Variants in TSC22D1 observed in about 807,000 individuals in gnomAD.
TSC22D1 encodes TSC22 domain family member 1, also known as TSC22 domain family protein 1.
In TSC22D1, 9 loss-of-function variants were observed where a neutral mutation model predicts 74.2. That is an observed-to-expected ratio of 0.12 (90% confidence interval 0.07 to 0.21). TSC22D1 has a LOEUF of 0.21. TSC22D1 is among the 10% of genes least tolerant of loss of function. TSC22D1 has a pLI of 1.00. For synonymous variants in TSC22D1, 586 were observed against 492.5 expected (o/e 1.19, Z -2.51); for missense variants, 1,427 against 1,304.7 (o/e 1.09, Z -1.44).
intron 1 of TSC22D1, among the ~76,000 whole-genome samples, chr13:44,506,027 A>G (rs1173098513): frequency 6.6e-6 from 1 of 152,210 alleles, no homozygotes. Context: ...GTGGGGAATA[A>G]TAAGAGGTGA....
chr13:44,436,147 T>G (rs1555781), intron 1 of TSC22D1, 52 bp from the exon 2 acceptor site: 1,564,696 of 1,576,160 alleles, frequency 0.99, 776,900 homozygotes, highest in Non-Finnish European at 1. Context: ...TATCTTAAGC[T>G]TCCAAGATAA....
intron 1 of TSC22D1, among the ~76,000 whole-genome samples, chr13:44,497,534 TTAAA>T (rs983907607): frequency 5.9e-5 from 9 of 152,158 alleles, no homozygotes; most frequent in Admixed American, 1.3e-4. Flanking sequence ...TGTTTATAAA[TTAAA>T]TGTCACCTCA....
In TSC22D1 at chr13:44,574,225, GGAGTTT is replaced by G. The variant is rs1189998375; in HGVS notation, c.1844_1849del (p.Gln615_Thr616del). ...TTGGGGTGGTGGTGCCCCTGGAAGG[GGAGTTT>G]GCACTGGAGGAGCCGCCTGAGAATA... is the stretch of plus-strand genomic sequence containing the variant. On this transcript the variant is annotated inframe_deletion, in exon 1 of 3. Coordinates refer to ENST00000458659, the MANE Select transcript of TSC22D1 (RefSeq NM_183422.4). The G allele has an allele frequency of 1.2e-6, 2 of 1,614,108 alleles. No individual in the cohort carries two copies. The highest frequency in any genetic ancestry group is 1.7e-6 in the Non-Finnish European group (2 of 1,180,054).
rs1237128657 is a variant in TSC22D1 at position 44,573,490 on chromosome 13, G to A, written c.2585C>T (p.Ala862Val). ...TTGAACCAAATTACCATTTTGGGTAGCAGGGGTTTGTGCTATATTTTGTGG... is the reference window on the plus strand; with the variant it reads ...TTGAACCAAATTACCATTTTGGGTAACAGGGGTTTGTGCTATATTTTGTGG... The part of the protein sequence containing the change: ...VPPQNIAQTP[A>V]TQNGNLVQSV... Residue 862 changes from alanine (A) to valine (V), a missense_variant, in exon 1 of 3, where the codon GCT (alanine) becomes GTT (valine). This residue lies in a region of TSC22D1 where 1,343 missense variants were observed against 1,191.5 expected (regional missense o/e 1.13). Transcript: ENST00000458659. 1 of 1,614,260 alleles carries A rather than the reference G, an allele frequency of 6.2e-7. No homozygotes were observed. The highest frequency in any genetic ancestry group is 1.7e-5 in the Admixed American group (1 of 60,034).
chr13:44,476,499 T>C (rs1418112824), intron 1 of TSC22D1, among the ~76,000 whole-genome samples: 1 of 152,088 alleles, frequency 6.6e-6, no homozygotes, highest in African/African-American at 2.4e-5. Context: ...AAGAAAGTTA[T>C]CAAGAGTGCC....
intron 1 of TSC22D1, among the ~76,000 whole-genome samples, chr13:44,498,608 C>CT (rs949786907): frequency 6.6e-6 from 1 of 152,148 alleles, no homozygotes; most frequent in African/African-American, 2.4e-5. Context: ...GGGGCCATGA[C>CT]TTTATCATAC....
chr13:44,515,594 T>C (rs1879942696), intron 1 of TSC22D1, among the ~76,000 whole-genome samples: 1 of 152,112 alleles, frequency 6.6e-6, no homozygotes, highest in African/African-American at 2.4e-5. Context: ...TGTGCCACCA[T>C]ACCCGGCTAA....
chr13:44,479,250 G>T (rs989671626), intron 1 of TSC22D1, among the ~76,000 whole-genome samples: 7 of 151,782 alleles, frequency 4.6e-5, no homozygotes, highest in African/African-American at 1.7e-4. Flanking sequence ...CAACCCACGG[G>T]CATGGCCCAG....
intron 1 of TSC22D1, among the ~76,000 whole-genome samples, chr13:44,517,204 A>T (rs1268023419): frequency 6.6e-6 from 1 of 152,126 alleles, no homozygotes; most frequent in African/African-American, 2.4e-5. Flanking sequence ...AAACCTCTCT[A>T]TTCATCCTGT....
chr13:44,552,563 C>T (rs1388919989), intron 1 of TSC22D1, among the ~76,000 whole-genome samples: 2 of 152,204 alleles, frequency 1.3e-5, no homozygotes, highest in Non-Finnish European at 2.9e-5. Context: ...ATTAAAAGAG[C>T]CTGCAAATAT....
At chr13:44,438,386 G>GCCATCAGAT (rs1874913749) in intron 1 of TSC22D1, among the ~76,000 whole-genome samples, 1 of 152,128 alleles carries the variant, frequency 6.6e-6, no homozygotes, top group African/African-American at 2.4e-5. Context: ...TTCTAAAATT[G>GCCATCAGAT]CCATCAGATC....
intron 1 of TSC22D1, among the ~76,000 whole-genome samples, chr13:44,553,949 C>G (rs1219605726): frequency 6.6e-6 from 1 of 152,072 alleles, no homozygotes; most frequent in Non-Finnish European, 1.5e-5. Flanking sequence ...CTTATGGACC[C>G]CAGGTGAGAA....
chr13:44,482,677 G>A (rs866427768), intron 1 of TSC22D1, among the ~76,000 whole-genome samples: 7 of 152,126 alleles, frequency 4.6e-5, no homozygotes, highest in South Asian at 2.1e-4. Context: ...TAAATGATAT[G>A]CAGAAACAAA....
Position 44,433,930 on chromosome 13 carries a change from G to A in TSC22D1, c.*696C>T. ...AATTTCAATCTGTACAACCTAAATA[G>A]TAGTTACAGTCCTCTATTGTACAAA... On this transcript the variant is annotated 3_prime_UTR_variant, in exon 3 of 3. Transcript: ENST00000458659. 6.8e-7 allele frequency: 1 copy of A among 1,477,746 alleles called. No homozygotes were observed. Among genetic ancestry groups the A allele is most frequent in the Non-Finnish European group, 9.0e-7 (1 of 1,110,044 alleles). 91.5% of individuals were successfully genotyped at this position (1,477,746 alleles called of 1,614,324 possible). A position where few individuals can be genotyped will look rare whatever the true frequency, so the allele number is the denominator to read the frequency against.
At chr13:44,491,176 AAACT>A (rs1878695351) in intron 1 of TSC22D1, among the ~76,000 whole-genome samples, 1 of 151,472 alleles carries the variant, frequency 6.6e-6, no homozygotes, top group East Asian at 2.0e-4. Flanking sequence ...CAAAAAAACA[AAACT>A]AACAAAGGAC....
chr13:44,551,343 C>T (rs1882235942), intron 1 of TSC22D1, among the ~76,000 whole-genome samples: 2 of 81,136 alleles, frequency 2.5e-5, no homozygotes, highest in South Asian at 4.1e-4. Flanking sequence ...GTGTGTGTGA[C>T]CCTGTCTCAA....
intron 1 of TSC22D1, among the ~76,000 whole-genome samples, chr13:44,466,762 C>T (rs4941505): frequency 0.2 from 30,452 of 150,394 alleles, 3,633 homozygotes; most frequent in East Asian, 0.3. Context: ...AGAATGAGAC[C>T]GTGTCTCAAA....
At position 44,573,941 on chromosome 13, in the gene TSC22D1, G is replaced by A. The variant is rs754705832; in HGVS notation, c.2134C>T (p.Pro712Ser). 1 of 1,614,172 alleles carries A rather than the reference G, an allele frequency of 6.2e-7. No homozygotes were observed. The highest frequency in any genetic ancestry group is 1.1e-5 in the South Asian group (1 of 91,088). Residue 712 changes from proline to serine, a missense_variant, in exon 1 of 3, where the codon CCT becomes TCT. Around this residue, in one of 3 missense-constraint regions of TSC22D1, gnomAD observed 1,343 missense variants for 1,191.5 expected, o/e 1.13. Transcript: ENST00000458659. ...PAQPAGASVQPVGQAPAAVSA... is the reference protein window; with the variant it reads ...PAQPAGASVQSVGQAPAAVSA... ...ACTGCTGCCGGAGCCTGGCCAACAG[G>A]CTGGACAGATGCCCCTGCAGGTTGT...
chr13:44,525,695 T>C (rs1880513404), intron 1 of TSC22D1, among the ~76,000 whole-genome samples: 1 of 146,890 alleles, frequency 6.8e-6, no homozygotes, highest in Admixed American at 7.0e-5. Flanking sequence ...CAACAGCAAA[T>C]AAACACAGAT....
Sources: gnomAD v4.1 joint callset for allele counts (sites outside exome capture counted in the v4.1 genomes callset) on GRCh38, gnomAD v4.1.1 for gene constraint, gnomAD v4.1.1 regional missense constraint, MANE v1.5 for transcripts, NCBI Gene and HGNC (gene_info 2026-07-23, HGNC 2026-07-21) for gene names.